The following PTPRN2 variants were observed in gnomAD, a reference collection of about 807,000 sequenced individuals.
PTPRN2 encodes the protein receptor-type tyrosine-protein phosphatase N2.
In PTPRN2, 74 loss-of-function variants were observed where a neutral mutation model predicts 118.8. The observed-to-expected ratio is 0.62, with a 90% CI of 0.52 to 0.76. PTPRN2 has a LOEUF of 0.76. Among genes scored for constraint, PTPRN2 ranks in the 30% least tolerant of loss-of-function variants. PTPRN2 has a pLI of 0.00. For synonymous variants in PTPRN2, 641 were observed against 608.0 expected (o/e 1.05, Z -0.80); for missense variants, 1,481 against 1,394.4 (o/e 1.06, Z -0.99).
At chr7:158,262,793 ACATT>A in intron 3 of PTPRN2, among the ~76,000 whole-genome samples, 1 of 150,162 alleles carries the variant, frequency 6.7e-6, no homozygotes, top group African/African-American at 2.5e-5. Flanking sequence ...ACACACATAC[ACATT>A]CACACACTAC....
At chr7:157,582,882 AAAAAC>A (rs1262319243) in intron 17 of PTPRN2, among the ~76,000 whole-genome samples, 1 of 151,034 alleles carries the variant, frequency 6.6e-6, no homozygotes, top group Non-Finnish European at 1.5e-5. Context: ...CTCAAAAAAA[AAAAAC>A]AAAACAAAAA....
chr7:158,417,701 G>T, intron 2 of PTPRN2, among the ~76,000 whole-genome samples: 1 of 133,280 alleles, frequency 7.5e-6, no homozygotes, highest in Non-Finnish European at 1.6e-5. Context: ...ACATCGAGAT[G>T]CTCTAGCTCT....
chr7:158,475,099 A>G (rs144840815), intron 2 of PTPRN2, among the ~76,000 whole-genome samples: 304 of 152,238 alleles, frequency 2.0e-3, no homozygotes, highest in African/African-American at 7.0e-3. Flanking sequence ...CATGCAGAAG[A>G]GCTGGGGGTG....
chr7:157,775,265 C>A (rs1006564981), intron 12 of PTPRN2, among the ~76,000 whole-genome samples: 1 of 152,194 alleles, frequency 6.6e-6, no homozygotes, highest in African/African-American at 2.4e-5. Context: ...GTCATATGAG[C>A]TGCTCTTTAG....
At chr7:158,320,625 C>G (rs886555645) in intron 2 of PTPRN2, among the ~76,000 whole-genome samples, 2 of 152,216 alleles carry the variant, frequency 1.3e-5, no homozygotes, top group East Asian at 3.9e-4. Flanking sequence ...CATGTTCCAG[C>G]GTTTGGCTGC....
chr7:157,850,585 T>C (rs903619824), intron 12 of PTPRN2, among the ~76,000 whole-genome samples: 1 of 152,170 alleles, frequency 6.6e-6, no homozygotes, highest in African/African-American at 2.4e-5. Context: ...TTCTCCTTTC[T>C]CAAACCATCC....
rs1802859646 is a variant in PTPRN2, at chr7:157,977,758, G to A, written c.1724-79021C>T. 6.6e-6 allele frequency among the ~76,000 whole-genome samples: 1 copy of A among 151,870 alleles called. No homozygotes were observed. The highest frequency in any genetic ancestry group is 2.4e-5 in the African/African-American group (1 of 41,406). Reference sequence around the variant, plus strand: ...GGTAGGATCTGGTACCATCTCGAGAGGCTGCAGCAGGGACACTTGAAGATC... The same window carrying A: ...GGTAGGATCTGGTACCATCTCGAGAAGCTGCAGCAGGGACACTTGAAGATC... On this transcript the variant is annotated intron_variant, in intron 11 of 22. Transcript: ENST00000389418. The surrounding 1 kb of genome is among the most constrained non-coding windows in gnomAD (Gnocchi z 4.6).
intron 20 of PTPRN2, among the ~76,000 whole-genome samples, chr7:157,570,620 C>T (rs1183764321): frequency 6.6e-6 from 1 of 152,180 alleles, no homozygotes; most frequent in Non-Finnish European, 1.5e-5. Context: ...AAAATCTATT[C>T]TTACTGGTGT....
intron 1 of PTPRN2, among the ~76,000 whole-genome samples, chr7:158,493,339 A>G (rs914965270): frequency 6.6e-6 from 1 of 151,776 alleles, no homozygotes; most frequent in Non-Finnish European, 1.5e-5. Flanking sequence ...TCATGCCTGC[A>G]CACATACACA....
chr7:158,494,217 A>C (rs10228005), intron 1 of PTPRN2, among the ~76,000 whole-genome samples: 61 of 152,222 alleles, frequency 4.0e-4, no homozygotes, highest in African/African-American at 1.4e-3. Flanking sequence ...CCTGTACCAC[A>C]TGCACCTGCT....
intron 3 of PTPRN2, among the ~76,000 whole-genome samples, chr7:158,245,189 C>T (rs1379975748): frequency 2.0e-5 from 2 of 100,438 alleles, no homozygotes; most frequent in Non-Finnish European, 4.5e-5. Context: ...TGCCGGAATC[C>T]GTGGTCATGC....
chr7:158,063,082 T>C (rs1810480225), intron 11 of PTPRN2, among the ~76,000 whole-genome samples: 1 of 152,238 alleles, frequency 6.6e-6, no homozygotes, highest in Non-Finnish European at 1.5e-5. Context: ...TAAGGGGTTG[T>C]AAATACTCCA....
At position 158,479,364 on chromosome 7, in the gene PTPRN2, C is replaced by T. The variant is rs551343287; in HGVS notation, c.163+10371G>A. ...CCGACAGCCTCCCTCCCTCTCTCCT[C>T]CGCTCTTCTTTCCTGACTAAAGCCT... On this transcript the variant is annotated intron_variant, in intron 2 of 22. Transcript: ENST00000389418. Among the ~76,000 whole-genome samples the T allele has an allele frequency of 2.0e-5, 3 of 152,022 alleles. No individual in the cohort carries two copies. In the South Asian group the frequency reaches 6.3e-4, roughly 32 times the overall value.
At chr7:158,275,367 G>A (rs1273264473) in intron 3 of PTPRN2, among the ~76,000 whole-genome samples, 1 of 152,162 alleles carries the variant, frequency 6.6e-6, no homozygotes, top group Non-Finnish European at 1.5e-5. Context: ...CACTGTGCTG[G>A]CAGACCCACT....
chr7:158,330,836 T>A (rs368356256), intron 2 of PTPRN2, among the ~76,000 whole-genome samples: 1 of 19,602 alleles, frequency 5.1e-5, no homozygotes, highest in South Asian at 2.0e-3. Flanking sequence ...GTCACTCACA[T>A]CCACATTCTC....
chr7:157,835,423 A>G (rs1329238830), intron 12 of PTPRN2, among the ~76,000 whole-genome samples: 1 of 152,226 alleles, frequency 6.6e-6, no homozygotes, highest in Non-Finnish European at 1.5e-5. Flanking sequence ...GCAGAGCAGA[A>G]CTGACTACAG....
At chr7:157,559,834 C>T (rs531151019) in intron 21 of PTPRN2, among the ~76,000 whole-genome samples, 11 of 152,174 alleles carry the variant, frequency 7.2e-5, no homozygotes, top group South Asian at 2.1e-4. Flanking sequence ...TGGCCCCCCC[C>T]GCCCCGTCTC....
At chr7:158,521,797 A>ACGTCAGAAT (rs1824100585) in intron 1 of PTPRN2, among the ~76,000 whole-genome samples, 1 of 8,900 alleles carries the variant, frequency 1.1e-4, no homozygotes, top group Non-Finnish European at 2.1e-4. Flanking sequence ...TGGACTGTCC[A>ACGTCAGAAT]GGTGCTGGCT....
At chr7:157,677,825 C>A (rs1796740927) in intron 13 of PTPRN2, among the ~76,000 whole-genome samples, 1 of 152,246 alleles carries the variant, frequency 6.6e-6, no homozygotes, top group South Asian at 2.1e-4. Context: ...ACCAGCGTGA[C>A]AACCATTTAG....
Sources: gnomAD v4.1 joint callset for allele counts (sites outside exome capture counted in the v4.1 genomes callset) on GRCh38, gnomAD v4.1.1 for gene constraint, Gnocchi (gnomAD v3.1) non-coding constraint, MANE v1.5 for transcripts, NCBI Gene and HGNC (gene_info 2026-07-23, HGNC 2026-07-21) for gene names.